HEATR4: variants seen among roughly 807,000 people sequenced by gnomAD.
The protein encoded by HEATR4 is HEAT repeat containing 4, also known as HEAT repeat-containing protein 4.
HEATR4 carries 95 observed loss-of-function variants against 108.8 expected under a neutral mutation model. That is an observed-to-expected ratio of 0.87 (90% CI 0.74 to 1.04). The LOEUF (loss-of-function observed/expected upper bound fraction) is 1.04. Among genes scored for constraint, HEATR4 ranks in the 50% least tolerant of loss-of-function variants. The probability of loss-of-function intolerance (pLI) is 0.00; values close to 1 mark genes in which losing one functional copy is unlikely to be tolerated. For missense variants in HEATR4, 1,152 were observed against 1,253.8 expected, an observed-to-expected ratio of 0.92 and a Z score of 1.23; for synonymous variants, 443 against 459.4, an observed-to-expected ratio of 0.96 and a Z score of 0.46.
chr14:73,525,839 G>A (rs1345848778), intron 2 of HEATR4, among the ~76,000 whole-genome samples: 1 of 152,018 alleles, frequency 6.6e-6, no homozygotes, highest in African/African-American at 2.4e-5. Flanking sequence ...TATAATCCCA[G>A]CTACTTGGGA....
chr14:73,494,280 A>C (rs1271795608), intron 16 of HEATR4, among the ~76,000 whole-genome samples: 1 of 152,186 alleles, frequency 6.6e-6, no homozygotes, highest in Admixed American at 6.6e-5. Context: ...GCTGGTAGGC[A>C]GCTGGCTGAG....
the HEATR4 span, chr14:73,595,262 A>G: frequency 6.2e-7 from 1 of 1,613,590 alleles, no homozygotes; most frequent in African/African-American, 1.3e-5. Flanking sequence ...CCTCGTGGAC[A>G]TTGTGGATAT....
the HEATR4 span, among the ~76,000 whole-genome samples, chr14:73,605,151 C>T: frequency 2.0e-5 from 3 of 150,712 alleles, no homozygotes; most frequent in South Asian, 2.1e-4. Context: ...GAAAAAAAAA[C>T]ATAAGGGCCC....
At chr14:73,524,165 G>A (rs1258787702) in intron 2 of HEATR4, among the ~76,000 whole-genome samples, 1 of 151,282 alleles carries the variant, frequency 6.6e-6, no homozygotes, top group East Asian at 1.9e-4. Flanking sequence ...GGTGGCATGT[G>A]CCTGTAATCC....
At chr14:73,489,904 A>G (rs1474679508) in intron 17 of HEATR4, among the ~76,000 whole-genome samples, 1 of 152,246 alleles carries the variant, frequency 6.6e-6, no homozygotes, top group Non-Finnish European at 1.5e-5. Context: ...TAAGGCTTCA[A>G]TCAGTGAATT....
chr14:73,561,515 C>T (rs1249260685), upstream of HEATR4, among the ~76,000 whole-genome samples: 9 of 151,700 alleles, frequency 5.9e-5, no homozygotes, highest in Admixed American at 2.0e-4. Context: ...CAGTAAACCC[C>T]GTCTCTACTA....
At chr14:73,539,420 A>T (rs1298055152) in intron 1 of HEATR4, 2 of 126,028 alleles carry the variant, frequency 1.6e-5, no homozygotes, top group African/African-American at 5.6e-5. Flanking sequence ...TTCACTCCAC[A>T]AGCTGGGACT....
rs867377940 is a variant in HEATR4, at chr14:73,479,439, C to T, written c.2845-597G>A. 5.7e-3 allele frequency among the ~76,000 whole-genome samples: 611 copies of T among 107,646 alleles called. 19 individuals carry two copies. The highest frequency in any genetic ancestry group is 0.022 in the African/African-American group (585 of 26,602). 70.6% of individuals were successfully genotyped at this position (107,646 alleles called of 152,430 possible). ...TTTTTTTTTCTTTCTTTCTTTCTTT[C>T]TTTTTTTTTTTTTTTTGAGACGGAG... On this transcript the variant is annotated intron_variant, in intron 17 of 17. Transcript: ENST00000553558.
chr14:73,488,917 G>C (rs1885555506), intron 17 of HEATR4, among the ~76,000 whole-genome samples: 1 of 149,148 alleles, frequency 6.7e-6, no homozygotes, highest in African/African-American at 2.4e-5. Flanking sequence ...AGCTACCTGG[G>C]AGGCTGAGGC....
the HEATR4 span, among the ~76,000 whole-genome samples, chr14:73,572,648 T>C: frequency 2.3e-4 from 12 of 53,160 alleles, no homozygotes; most frequent in African/African-American, 2.4e-4. Flanking sequence ...CATTTTTTTT[T>C]TTTTTTTTTT....
chr14:73,493,273 T>G (rs1885907980), intron 16 of HEATR4, 149 bp from the exon 17 acceptor site: 3 of 632,258 alleles, frequency 4.7e-6, no homozygotes, highest in Admixed American at 3.3e-5. Context: ...TATTAGATTT[T>G]TTTTGGAATT....
rs1234607499 is a variant in HEATR4 at position 73,523,139 on chromosome 14, T to C, written c.14A>G (p.Gln5Arg). ...ATGGGGGAGAAAGGTCTTTCCCTTC[T>C]GGGTCCTGGTCATACCGCGTCCCAG... MTRT[Q>R]KGKTFLPHCF... The change falls in exon 3 of 18, where the codon CAG becomes CGG. Residue 5 changes from glutamine (Q) to arginine (R), a missense_variant. Gln to Arg is a conservative substitution (Grantham distance 43). Coordinates refer to ENST00000553558, the MANE Select transcript of HEATR4 (RefSeq NM_001220484.1). 1 of 1,597,706 alleles carries C rather than the reference T, an allele frequency of 6.3e-7. No homozygotes were observed. The highest frequency in any genetic ancestry group is 2.2e-5 in the East Asian group (1 of 44,834).
chr14:73,609,754 C>T, the HEATR4 span, among the ~76,000 whole-genome samples: 1 of 152,102 alleles, frequency 6.6e-6, no homozygotes, highest in South Asian at 2.1e-4. Context: ...AATTCTCCTG[C>T]CTCAGCCTCC....
At chr14:73,565,339 G>A in the HEATR4 span, among the ~76,000 whole-genome samples, 2 of 151,484 alleles carry the variant, frequency 1.3e-5, no homozygotes, top group East Asian at 3.9e-4. Context: ...CAGAGCCCAG[G>A]CTTGAGAATC....
chr14:73,559,596 C>G (rs71429006), upstream of HEATR4, among the ~76,000 whole-genome samples: 36,510 of 151,442 alleles, frequency 0.24, 4,565 homozygotes, highest in East Asian at 0.32. Context: ...AAGAAAATCA[C>G]CTGGGCCTGG....
chr14:73,534,075 T>C (rs1888791120), intron 1 of HEATR4, among the ~76,000 whole-genome samples: 1 of 95,130 alleles, frequency 1.1e-5, no homozygotes, highest in Non-Finnish European at 2.2e-5. Context: ...GAGCAAGACC[T>C]AGTCTCTAAA....
chr14:73,543,012 G>C lies in HEATR4; in HGVS notation c.-151-12768C>G, dbSNP rs760713349. The C allele has an allele frequency of 7.2e-6, 9 of 1,243,940 alleles. 3 individuals carry two copies. Among genetic ancestry groups the C allele is most frequent in the Admixed American group, 7.2e-5 (3 of 41,688 alleles). 77.1% of individuals were successfully genotyped at this position (1,243,940 alleles called of 1,614,324 possible). A position where few individuals can be genotyped will look rare whatever the true frequency, so the allele number is the denominator to read the frequency against. Reference sequence around the variant, plus strand: ...AACTCACCATATTCCACTGTTTGTGGAGCCATTCTTCTTCTTTTTCCTTTG... The same window carrying C: ...AACTCACCATATTCCACTGTTTGTGCAGCCATTCTTCTTCTTTTTCCTTTG... On this transcript the variant is annotated intron_variant, in intron 1 of 17. Transcript: ENST00000553558.
chr14:73,569,058 A>G, the HEATR4 span: 1 of 774,022 alleles, frequency 1.3e-6, no homozygotes, highest in East Asian at 2.7e-5. Flanking sequence ...CAAGCTTCTG[A>G]AAAGCAAACC....
At chr14:73,529,485 A>ATTT (rs1405497610) in intron 2 of HEATR4, among the ~76,000 whole-genome samples, 1 of 152,076 alleles carries the variant, frequency 6.6e-6, no homozygotes, top group Admixed American at 6.6e-5. Context: ...TGGGGTTGGA[A>ATTT]GGGTTAGGCT....
Sources: allele counts gnomAD v4.1 joint callset (sites outside exome capture counted in the v4.1 genomes callset), GRCh38; gene constraint gnomAD v4.1.1; transcripts MANE v1.5; gene names NCBI Gene and HGNC (gene_info 2026-07-23, HGNC 2026-07-21).